PPP1R36: variants seen among roughly 807,000 people sequenced by gnomAD.
PPP1R36 encodes chromosome 14 open reading frame 50.
In PPP1R36, 47 loss-of-function variants were observed where a neutral mutation model predicts 53.4. The observed-to-expected ratio is 0.88, with a 90% CI of 0.70 to 1.12. The LOEUF is 1.12. Ranked by LOEUF, PPP1R36 falls within the 50% of genes most tolerant of loss-of-function variation. The pLI is 0.00. For missense variants in PPP1R36, 456 were observed against 513.9 expected (o/e 0.89, Z 1.09); for synonymous variants, 153 against 170.5 (o/e 0.90, Z 0.80).
intron 3 of PPP1R36, among the ~76,000 whole-genome samples, chr14:64,564,265 A>G (rs772890916): frequency 7.2e-5 from 11 of 152,354 alleles, no homozygotes; most frequent in Non-Finnish European, 1.3e-4. Flanking sequence ...CTCTGTGGCT[A>G]AAAACCTGGG....
chr14:64,579,842 C>T (rs1469985565), intron 8 of PPP1R36, among the ~76,000 whole-genome samples: 2 of 152,020 alleles, frequency 1.3e-5, no homozygotes, highest in Non-Finnish European at 1.5e-5. Context: ...TGGTGGCGGG[C>T]GCCTGTAGTC....
At chr14:64,564,199 G>T (rs1472313633) in intron 3 of PPP1R36, among the ~76,000 whole-genome samples, 2 of 152,230 alleles carry the variant, frequency 1.3e-5, no homozygotes, top group African/African-American at 4.8e-5. Context: ...GTCCACAGCA[G>T]TGAATACTGA....
rs192721341 is a variant in PPP1R36, at chr14:64,583,422, C to T, written c.669-3415C>T. ...CCATTTCCTGGACGCATTTCTATTT[C>T]ATATGCAGGGCTAAATCAGAATGGC... is the stretch of plus-strand genomic sequence containing the variant. On this transcript the variant is annotated intron_variant, in intron 8 of 11. Coordinates refer to ENST00000298705, the MANE Select transcript of PPP1R36 (RefSeq NM_172365.3). Among the ~76,000 whole-genome samples the T allele has an allele frequency of 3.2e-3, 487 of 152,300 alleles. 3 individuals carry two copies. The highest frequency in any genetic ancestry group is 5.3e-3 in the Non-Finnish European group (363 of 68,028).
rs1420364400 is a variant in PPP1R36, at chr14:64,550,031, A to G, written c.34A>G (p.Lys12Glu). The G allele has an allele frequency of 1.3e-6, 2 of 1,574,658 alleles. No individual in the cohort carries two copies. Among genetic ancestry groups the G allele is most frequent in the Admixed American group, 3.7e-5 (2 of 54,466 alleles). Residue 12 changes from lysine (K) to glutamate (E), a missense_variant, in exon 1 of 12, where the codon AAG (lysine) becomes GAG (glutamate). Transcript: ENST00000298705. ...YRVPEFYARR[K>E]RLGGQTPYLM... is the part of the protein sequence containing the mutation. ...GGTGCCCGAGTTTTATGCGAGGAGG[A>G]AGCGGTTAGGTGGGCAGACCCCTTA...
chr14:64,566,484 C>CT (rs2080257992), intron 6 of PPP1R36, among the ~76,000 whole-genome samples: 1 of 151,388 alleles, frequency 6.6e-6, no homozygotes, highest in Non-Finnish European at 1.5e-5. Flanking sequence ...CTGAAGATCA[C>CT]TTTTCTCTAC....
Position 64,587,275 on chromosome 14 carries a change from A to G in PPP1R36, c.793A>G (p.Arg265Gly), listed in dbSNP as rs1231954259. 6.2e-7 allele frequency: 1 copy of G among 1,613,366 alleles called. No homozygotes were observed. The highest frequency in any genetic ancestry group is 1.7e-5 in the Admixed American group (1 of 60,010). ...GACAGAGATTGAAGAAGAAGTAGGGAGACTCTTTCGTACCAATATGTTCAA... is the reference window on the plus strand; with the variant it reads ...GACAGAGATTGAAGAAGAAGTAGGGGGACTCTTTCGTACCAATATGTTCAA... ...HLTEIEEEVGRLFRTNMFNIP... is the reference protein window; with the variant it reads ...HLTEIEEEVGGLFRTNMFNIP... Residue 265 changes from arginine (R) to glycine (G), a missense_variant, in exon 10 of 12, where the codon AGA (arginine) becomes GGA (glycine). Physicochemically the swap from Arg to Gly is moderately radical, Grantham distance 125. Transcript: ENST00000298705.
chr14:64,558,294 C>T (rs1464558221), intron 3 of PPP1R36, among the ~76,000 whole-genome samples: 2 of 152,032 alleles, frequency 1.3e-5, no homozygotes, highest in Non-Finnish European at 2.9e-5. Flanking sequence ...AAATAGAGTA[C>T]TCAGCTGGGT....
At position 64,589,346 on chromosome 14, in the gene PPP1R36, C is replaced by T. The variant is rs747471238; in HGVS notation, c.*8C>T. The T allele has an allele frequency of 1.3e-6, 2 of 1,572,140 alleles. No individual in the cohort carries two copies. Among genetic ancestry groups the T allele is most frequent in the Non-Finnish European group, 1.7e-6 (2 of 1,153,622 alleles). ...ACATCATGCCCTAAGTAACCTGGTACATTCCATATCTCAAGTAAACTACTT... is the reference window on the plus strand; with the variant it reads ...ACATCATGCCCTAAGTAACCTGGTATATTCCATATCTCAAGTAAACTACTT... On this transcript the variant is annotated 3_prime_UTR_variant, in exon 12 of 12. Transcript: ENST00000298705.
In PPP1R36 at chr14:64,565,422, A is replaced by T. The variant is rs2140229462; in HGVS notation, c.335A>T (p.Gln112Leu). Residue 112 changes from glutamine (Q) to leucine (L), a missense_variant, in exon 5 of 12, where the codon CAA (glutamine) becomes CTA (leucine). Transcript: ENST00000298705. ...KSAKAVEKRG[Q>L]QGTITLDDVK... ...GCTAAAGCTGTAGAGAAACGAGGTCAACAGGGCACCATTACACTGGATGAT... is the reference window on the plus strand; with the variant it reads ...GCTAAAGCTGTAGAGAAACGAGGTCTACAGGGCACCATTACACTGGATGAT... The T allele has an allele frequency of 1.2e-6, 2 of 1,613,474 alleles. No individual in the cohort carries two copies. Among genetic ancestry groups the T allele is most frequent in the Admixed American group, 1.7e-5 (1 of 60,026 alleles).
intron 7 of PPP1R36, among the ~76,000 whole-genome samples, chr14:64,573,600 C>A (rs73269729): frequency 0.021 from 3,248 of 152,036 alleles, 112 homozygotes; most frequent in African/African-American, 0.075. Flanking sequence ...ATTGAGGATA[C>A]ATAACATAAT....
At chr14:64,567,738 T>C (rs1243006453) in intron 6 of PPP1R36, among the ~76,000 whole-genome samples, 1 of 152,176 alleles carries the variant, frequency 6.6e-6, no homozygotes, top group Non-Finnish European at 1.5e-5. Context: ...CTCAGCTCAT[T>C]GCAACCTCCA....
At chr14:64,553,965 T>C (rs2080121184) in intron 3 of PPP1R36, among the ~76,000 whole-genome samples, 3 of 152,074 alleles carry the variant, frequency 2.0e-5, no homozygotes, top group Middle Eastern at 6.8e-3. Context: ...AGAGCTGCTC[T>C]GTGTTTAAGT....
chr14:64,586,602 C>T, intron 8 of PPP1R36: 1 of 378,144 alleles, frequency 2.6e-6, no homozygotes. Context: ...GTTTGTTTAC[C>T]CCAAATTTAT....
At chr14:64,556,762 A>ATGTGTGTGTGTGTG (rs369620598) in intron 3 of PPP1R36, among the ~76,000 whole-genome samples, 13,174 of 133,740 alleles carry the variant, frequency 0.099, 750 homozygotes, top group East Asian at 0.14. Context: ...TCTCCAAAAA[A>ATGTGTGTGTGTGTG]TGTGTGTGTG....
intron 3 of PPP1R36, among the ~76,000 whole-genome samples, chr14:64,558,163 A>C (rs534450808): frequency 6.6e-6 from 1 of 152,316 alleles, no homozygotes; most frequent in East Asian, 1.9e-4. Flanking sequence ...AGGCCTGTGG[A>C]TTTAACAAAT....
In PPP1R36 at chr14:64,588,751, G is replaced by T. The variant is rs560435532; in HGVS notation, c.1083-401G>T. On this transcript the variant is annotated intron_variant, in intron 11 of 11. Coordinates refer to ENST00000298705, the MANE Select transcript of PPP1R36 (RefSeq NM_172365.3). ...AGTTTTGTATTTTTAGTAGAGATGG[G>T]GTTTCTCCATGTTGGTCAGGCTGGT... 1.7e-3 allele frequency among the ~76,000 whole-genome samples: 259 copies of T among 151,864 alleles called. 2 individuals carry two copies. The highest frequency in any genetic ancestry group is 5.8e-3 in the African/African-American group (240 of 41,454).
chr14:64,588,415 C>T (rs1352174368), intron 11 of PPP1R36, 120 bp downstream of exon 11: 3 of 828,992 alleles, frequency 3.6e-6, no homozygotes, highest in Non-Finnish European at 5.5e-6. Context: ...TGACAGCCCC[C>T]ATTTTCTTAC....
chr14:64,571,110 CTGTTTGTTTGTT>C (rs10638013), intron 7 of PPP1R36, among the ~76,000 whole-genome samples: 11 of 150,396 alleles, frequency 7.3e-5, no homozygotes, highest in Non-Finnish European at 1.2e-4. Flanking sequence ...TATGTATGTA[CTGTTTGTTTGTT>C]TGTTTGTTTG....
At chr14:64,552,751 T>C (rs2080105812) in intron 2 of PPP1R36, 63 bp from the exon 3 acceptor site, 12 of 1,267,948 alleles carry the variant, frequency 9.5e-6, no homozygotes, top group Non-Finnish European at 1.3e-5. Context: ...TTATAGAATA[T>C]GTATTTCAGT....
Sources: allele counts gnomAD v4.1 joint callset (sites outside exome capture counted in the v4.1 genomes callset), GRCh38; gene constraint gnomAD v4.1.1; transcripts MANE v1.5; gene names NCBI Gene and HGNC (gene_info 2026-07-23, HGNC 2026-07-21).